INTS3: variants seen among roughly 807,000 people sequenced by gnomAD.
INTS3 encodes the protein integrator complex subunit 3.
A neutral mutation model predicts 146.3 loss-of-function variants in INTS3; 34 were observed. The observed-to-expected ratio is 0.23, with a 90% CI of 0.18 to 0.31. INTS3 has a LOEUF of 0.31. Ranked by LOEUF, INTS3 falls within the 10% of genes least tolerant of loss-of-function variation. INTS3 has a pLI of 1.00. For missense variants in INTS3, 757 were observed against 1,304.2 expected, an observed-to-expected ratio of 0.58 and a Z score of 6.46; for synonymous variants, 475 against 494.9, an observed-to-expected ratio of 0.96 and a Z score of 0.53.
In INTS3 at chr1:153,760,383, T is replaced by C; in HGVS notation, c.1310T>C (p.Met437Thr). The C allele has an allele frequency of 6.2e-7, 1 of 1,613,542 alleles. No homozygotes were observed. The highest frequency in any genetic ancestry group is 2.2e-5 in the East Asian group (1 of 44,894). Residue 437 changes from methionine (M) to threonine (T), a missense_variant, in exon 12 of 30, where the codon ATG becomes ACG. Physicochemically the swap from Met to Thr is moderately conservative, Grantham distance 81. Around this residue, in one of 8 missense-constraint regions of INTS3, gnomAD observed 35 missense variants for 122.2 expected, o/e 0.29. Transcript: ENST00000318967. ...ATCACTGCCACACTCCTGGACTTCATGTGCCGCGTAAGTGTTAGAGCTCTC... is the reference window on the plus strand; with the variant it reads ...ATCACTGCCACACTCCTGGACTTCACGTGCCGCGTAAGTGTTAGAGCTCTC... ...PAITATLLDF[M>T]CRIIPNFYPP...
chr1:153,763,160 A>G, intron 15 of INTS3, 73 bp from the exon 16 acceptor site: 1 of 1,586,608 alleles, frequency 6.3e-7, no homozygotes, highest in South Asian at 1.1e-5. Flanking sequence ...GGAAGGGGAT[A>G]AGTCATTGAG....
At position 153,773,041 on chromosome 1, in the gene INTS3, C is replaced by T. The variant is rs1187647548; in HGVS notation, c.3011C>T (p.Pro1004Leu). 3.7e-6 allele frequency: 6 copies of T among 1,614,178 alleles called. No individual in the cohort carries two copies. The highest frequency in any genetic ancestry group is 5.1e-6 in the Non-Finnish European group (6 of 1,180,030). Reference sequence around the variant, plus strand: ...CGAAGTCGAAAGAATGCCACACAGCCCCCCAATGCCGAAGAAGAGTCGGGC... The same window carrying T: ...CGAAGTCGAAAGAATGCCACACAGCTCCCCAATGCCGAAGAAGAGTCGGGC... ...SPRSRKNATQ[P>L]PNAEEESGSS... Residue 1004 changes from proline (P) to leucine (L), a missense_variant, in exon 29 of 30, where the codon CCC (proline) becomes CTC (leucine). Transcript: ENST00000318967.
chr1:153,770,341 C>A, intron 24 of INTS3, 30 bp downstream of exon 24: 1 of 1,292,160 alleles, frequency 7.7e-7, no homozygotes, highest in Non-Finnish European at 1.1e-6. Context: ...GGGAGCACAT[C>A]AGATATGACA....
intron 5 of INTS3, chr1:153,748,383 G>C (rs1272221941): frequency 5.2e-6 from 2 of 382,314 alleles, no homozygotes; most frequent in Non-Finnish European, 9.9e-6. Flanking sequence ...CCAACTGTGG[G>C]CTTCTTATAT....
intron 1 of INTS3, among the ~76,000 whole-genome samples, chr1:153,737,900 T>C (rs1671364624): frequency 6.6e-6 from 1 of 152,158 alleles, no homozygotes; most frequent in Non-Finnish European, 1.5e-5. Flanking sequence ...ACATTTCAAA[T>C]ATAAAAAAGT....
chr1:153,740,156 A>G (rs1295521084), intron 1 of INTS3, among the ~76,000 whole-genome samples: 4 of 143,936 alleles, frequency 2.8e-5, no homozygotes, highest in African/African-American at 7.8e-5. Context: ...CTGGAGTGCA[A>G]TGGCGCGATC....
intron 1 of INTS3, among the ~76,000 whole-genome samples, chr1:153,739,825 C>T (rs919439934): frequency 6.6e-6 from 1 of 151,426 alleles, no homozygotes; most frequent in Non-Finnish European, 1.5e-5. Flanking sequence ...GACAGAGTCT[C>T]GCTCTGTCGC....
chr1:153,728,230 C>G lies in INTS3; in HGVS notation c.-405C>G, dbSNP rs770272070. On this transcript the variant is annotated 5_prime_UTR_variant, in exon 1 of 30. Coordinates refer to ENST00000318967, the MANE Select transcript of INTS3 (RefSeq NM_023015.5). ...CAGGAAGGTTTCCTACCTCCTAATT[C>G]AGGGGCAGGACTCCTCTTTTCCCCC... is the stretch of plus-strand genomic sequence containing the variant. 3.3e-5 allele frequency: 13 copies of G among 395,278 alleles called. No homozygotes were observed. Among genetic ancestry groups the G allele is most frequent in the Non-Finnish European group, 5.4e-5 (12 of 224,092 alleles). The allele number at this position is 395,278 out of a possible 1,614,324, so 24.5% of individuals were successfully genotyped here. A position where few individuals can be genotyped will look rare whatever the true frequency, so the allele number is the denominator to read the frequency against.
intron 1 of INTS3, among the ~76,000 whole-genome samples, chr1:153,738,616 G>C (rs1156358152): frequency 6.6e-6 from 1 of 152,126 alleles, no homozygotes; most frequent in Non-Finnish European, 1.5e-5. Flanking sequence ...TGTCCTCCAG[G>C]CTCTCCTACA....
chr1:153,742,876 A>T (rs886857585), intron 3 of INTS3, among the ~76,000 whole-genome samples: 1 of 152,244 alleles, frequency 6.6e-6, no homozygotes, highest in Non-Finnish European at 1.5e-5. Context: ...CGGGTCTCAT[A>T]GCTGGTTGAC....
chr1:153,762,702 A>G (rs764607697), intron 14 of INTS3, 26 bp from the exon 15 acceptor site: 1 of 1,613,870 alleles, frequency 6.2e-7, no homozygotes, highest in Non-Finnish European at 8.5e-7. Flanking sequence ...AGGCCATTAA[A>G]TGCCTTATCT....
chr1:153,742,559 C>CATCTCAGTGCAA (rs1553236925), intron 3 of INTS3, among the ~76,000 whole-genome samples: 1 of 149,848 alleles, frequency 6.7e-6, no homozygotes, highest in Admixed American at 6.7e-5. Context: ...ATTCAAATTC[C>CATCTCAGTGCAA]ATTTAGTCAT....
intron 14 of INTS3, among the ~76,000 whole-genome samples, chr1:153,762,466 C>G (rs1459629133): frequency 1.3e-5 from 2 of 152,308 alleles, no homozygotes; most frequent in Non-Finnish European, 2.9e-5. Flanking sequence ...TGATCTTACT[C>G]TAGTTACCAA....
rs538689542 is a variant in INTS3, at chr1:153,754,807, A to C, written c.957+68A>C. The C allele has an allele frequency of 3.5e-5, 35 of 994,914 alleles. No homozygotes were observed. The South Asian group carries it at 4.2e-4, about 12-fold the overall frequency. The allele number at this position is 994,914 out of a possible 1,614,324, so 61.6% of individuals were successfully genotyped here. The stretch of plus-strand genomic sequence containing the variant: ...CTGGGCTTCTTGCTTCGGTCTGTGG[A>C]GCTGTTACCATTGTTTACTAACCAG... On this transcript the variant is annotated intron_variant, in intron 9 of 29. Coordinates refer to ENST00000318967, the MANE Select transcript of INTS3 (RefSeq NM_023015.5).
At chr1:153,744,520 C>T (rs1671654362) in intron 3 of INTS3, among the ~76,000 whole-genome samples, 1 of 152,082 alleles carries the variant, frequency 6.6e-6, no homozygotes, top group African/African-American at 2.4e-5. Context: ...TTTTGGTCTC[C>T]CAACCATCAA....
rs1558004295 is a variant in INTS3 at position 153,760,841 on chromosome 1, C to A, written c.1332C>A (p.Phe444Leu). Residue 444 changes from phenylalanine to leucine, a missense_variant, in exon 13 of 30, where the codon TTC (phenylalanine) becomes TTA (leucine). Transcript: ENST00000318967. Reference protein sequence around the residue: ...LDFMCRIIPNFYPPLEGHVRQ... With the variant: ...LDFMCRIIPNLYPPLEGHVRQ... The stretch of plus-strand genomic sequence containing the variant: ...TTCGCTTCCAGATCATTCCCAACTT[C>A]TATCCACCATTGGAGGGCCACGTGC... The A allele has an allele frequency of 6.2e-7, 1 of 1,613,940 alleles. No homozygotes were observed. Among genetic ancestry groups the A allele is most frequent in the Non-Finnish European group, 8.5e-7 (1 of 1,179,762 alleles).
intron 3 of INTS3, among the ~76,000 whole-genome samples, chr1:153,743,367 G>T (rs891043896): frequency 6.6e-6 from 1 of 152,188 alleles, no homozygotes; most frequent in Non-Finnish European, 1.5e-5. Flanking sequence ...TGGATATGGT[G>T]GAGAAGTGTG....
chr1:153,760,288 C>G, intron 11 of INTS3, 23 bp from the exon 12 acceptor site: 2 of 1,146,684 alleles, frequency 1.7e-6, no homozygotes, highest in Non-Finnish European at 1.3e-6. Flanking sequence ...ATGTGAGGGG[C>G]TCTTTAATTT....
chr1:153,757,525 C>A lies in INTS3; in HGVS notation c.958-47C>A. ...GTGCTCGTTTTCCTCTGGCCAAGGA[C>A]CCCACACTGTCTTCTAAGGTCTTTT... On this transcript the variant is annotated intron_variant, in intron 9 of 29. Transcript: ENST00000318967. The surrounding 1 kb of genome is among the most constrained non-coding windows in gnomAD (Gnocchi z 4.0). 6.4e-7 allele frequency: 1 copy of A among 1,565,974 alleles called. No homozygotes were observed. Among genetic ancestry groups the A allele is most frequent in the Non-Finnish European group, 8.8e-7 (1 of 1,140,416 alleles).
Sources: gnomAD v4.1 joint callset for allele counts (sites outside exome capture counted in the v4.1 genomes callset) on GRCh38, gnomAD v4.1.1 for gene constraint, gnomAD v4.1.1 regional missense constraint, Gnocchi (gnomAD v3.1) non-coding constraint, MANE v1.5 for transcripts, NCBI Gene and HGNC (gene_info 2026-07-23, HGNC 2026-07-21) for gene names.